The following MED13L variants were observed in gnomAD, a reference collection of about 807,000 sequenced individuals.
MED13L encodes mediator complex subunit 13L, also known as mediator of RNA polymerase II transcription subunit 13-like.
MED13L carries 7 observed loss-of-function variants against 220.9 expected under a neutral mutation model. The ratio of observed to expected loss-of-function variants is 0.03; its 90% CI spans 0.02 to 0.06. MED13L has a LOEUF of 0.06. Ranked by LOEUF, MED13L falls within the 10% of genes least tolerant of loss-of-function variation. MED13L has a pLI of 1.00. For synonymous variants in MED13L, 1,011 were observed against 1,015.2 expected, an observed-to-expected ratio of 1.00 and a Z score of 0.08; for missense variants, 1,965 against 2,760.5, an observed-to-expected ratio of 0.71 and a Z score of 6.46.
intron 1 of MED13L, chr12:116,276,349 T>TGTGTGTGTGC (rs1171651334): frequency 4.5e-5 from 29 of 646,188 alleles, no homozygotes; most frequent in Admixed American, 1.0e-4. Flanking sequence ...TGTGTGTGTG[T>TGTGTGTGTGC]GTGCGGATTC....
intron 29 of MED13L, among the ~76,000 whole-genome samples, chr12:115,964,959 G>A (rs1876038097): frequency 6.6e-6 from 1 of 152,146 alleles, no homozygotes; most frequent in Non-Finnish European, 1.5e-5. Context: ...CTTTTTTAGA[G>A]AGGAAAAATA....
At chr12:115,985,980 T>C (rs1877662430) in intron 19 of MED13L, among the ~76,000 whole-genome samples, 1 of 152,200 alleles carries the variant, frequency 6.6e-6, no homozygotes, top group Admixed American at 6.5e-5. Flanking sequence ...TGAGCAATAT[T>C]CTTCAACTTT....
intron 3 of MED13L, among the ~76,000 whole-genome samples, chr12:116,100,719 A>G (rs1330966259): frequency 2.6e-5 from 4 of 152,090 alleles, no homozygotes; most frequent in Non-Finnish European, 5.9e-5. Flanking sequence ...GACACCAGAC[A>G]ACATAGTGGA....
At position 115,966,085 on chromosome 12, in the gene MED13L, T is replaced by C; in HGVS notation, c.6384A>G (p.Leu2128=). ...TCTAATATGACACCAAACCAACCTT[T>C]AAGAAGAGAGGGCACTGGTTTTGAG... ...PQAQNQCPLF[L]KASLHHHISV... is the part of the protein sequence containing the mutation. Residue 2128 remains leucine, a synonymous_variant, in exon 29 of 31, where the codon TTA becomes TTG. Coordinates refer to ENST00000281928, the MANE Select transcript of MED13L (RefSeq NM_015335.5). 6.2e-7 allele frequency: 1 copy of C among 1,614,082 alleles called. No homozygotes were observed. The highest frequency in any genetic ancestry group is 2.2e-5 in the East Asian group (1 of 44,886).
At chr12:116,052,078 TACACACACACACACAC>T (rs79990251) in intron 4 of MED13L, among the ~76,000 whole-genome samples, 1 of 149,502 alleles carries the variant, frequency 6.7e-6, no homozygotes, top group South Asian at 2.1e-4. Context: ...CCTACACACA[TACACACACACACACAC>T]ACACACACAT....
chr12:116,256,679 C>CA (rs1872078741), intron 1 of MED13L, among the ~76,000 whole-genome samples: 1 of 129,028 alleles, frequency 7.8e-6, no homozygotes, highest in Non-Finnish European at 1.6e-5. Context: ...AGAAAACAAA[C>CA]TACTTTTTTT....
chr12:116,072,503 G>GA (rs1183800932), intron 4 of MED13L, among the ~76,000 whole-genome samples: 1 of 152,190 alleles, frequency 6.6e-6, no homozygotes, highest in Non-Finnish European at 1.5e-5. Flanking sequence ...CCAGGCTAGA[G>GA]TGCAGTGGCG....
chr12:116,256,633 G>A (rs1872074716), intron 1 of MED13L, among the ~76,000 whole-genome samples: 2 of 147,970 alleles, frequency 1.4e-5, no homozygotes, highest in South Asian at 2.1e-4. Context: ...AGAAATGTAT[G>A]TATTAATGGA....
chr12:116,164,554 T>C (rs916401004), intron 2 of MED13L, among the ~76,000 whole-genome samples: 2 of 152,202 alleles, frequency 1.3e-5, no homozygotes, highest in African/African-American at 4.8e-5. Flanking sequence ...CAGATGGCTA[T>C]TCAGTTAAAG....
At position 116,277,641 on chromosome 12, in the gene MED13L, C is replaced by G. The variant is rs1276874100; in HGVS notation, c.-510G>C. Among the ~76,000 whole-genome samples, 1 of 149,782 alleles carries G rather than the reference C, an allele frequency of 6.7e-6. No individual in the cohort carries two copies. The highest frequency in any genetic ancestry group is 1.5e-5 in the Non-Finnish European group (1 of 67,072). ...TTCCTCCCCCACCCCCCCCTCCTCCCCAGTCAGCCTCGCTTCTCCTCCCTC... is the reference window on the plus strand; with the variant it reads ...TTCCTCCCCCACCCCCCCCTCCTCCGCAGTCAGCCTCGCTTCTCCTCCCTC... On this transcript the variant is annotated 5_prime_UTR_variant, in exon 1 of 31. Coordinates refer to ENST00000281928, the MANE Select transcript of MED13L (RefSeq NM_015335.5).
At chr12:116,266,567 A>G (rs547940814) in intron 1 of MED13L, among the ~76,000 whole-genome samples, 1 of 152,340 alleles carries the variant, frequency 6.6e-6, no homozygotes, top group African/African-American at 2.4e-5. Flanking sequence ...CTGACACCCT[A>G]CATGAGAACA....
intron 2 of MED13L, among the ~76,000 whole-genome samples, chr12:116,172,609 G>A (rs959068438): frequency 3.1e-4 from 47 of 152,168 alleles, no homozygotes; most frequent in Non-Finnish European, 4.9e-4. Flanking sequence ...ACAGCATAGT[G>A]AAAAGTGTTG....
intron 1 of MED13L, among the ~76,000 whole-genome samples, chr12:116,272,725 T>C (rs1873484678): frequency 6.6e-6 from 1 of 152,172 alleles, no homozygotes; most frequent in Non-Finnish European, 1.5e-5. Flanking sequence ...AGCAAAATAT[T>C]TGTAGCATAC....
At chr12:116,199,692 ACTTT>A (rs1881875084) in intron 2 of MED13L, among the ~76,000 whole-genome samples, 1 of 151,832 alleles carries the variant, frequency 6.6e-6, no homozygotes, top group Non-Finnish European at 1.5e-5. Flanking sequence ...TTTAAATGCT[ACTTT>A]TTTTTTTTAA....
intron 2 of MED13L, among the ~76,000 whole-genome samples, chr12:116,154,867 C>T (rs1014848957): frequency 1.3e-4 from 19 of 151,960 alleles, no homozygotes; most frequent in Non-Finnish European, 2.4e-4. Context: ...ACTCTGTCAC[C>T]CAGGCTGGAA....
intron 2 of MED13L, among the ~76,000 whole-genome samples, chr12:116,156,223 CT>C (rs1238747182): frequency 6.6e-6 from 1 of 151,682 alleles, no homozygotes; most frequent in Non-Finnish European, 1.5e-5. Context: ...GTATAAATAT[CT>C]TTCCAACCAT....
At chr12:116,231,696 C>T (rs1232743624) in intron 2 of MED13L, among the ~76,000 whole-genome samples, 2 of 152,020 alleles carry the variant, frequency 1.3e-5, no homozygotes, top group African/African-American at 2.4e-5. Context: ...GCCAAAAGTG[C>T]TCTGGTTACG....
At chr12:116,009,245 T>TA (rs1879244579) in intron 9 of MED13L, 113 bp from the exon 10 acceptor site, 2 of 999,104 alleles carry the variant, frequency 2.0e-6, no homozygotes, top group East Asian at 5.2e-5. Context: ...AAAAGGGCTC[T>TA]AAGTTTTTAA....
chr12:116,098,012 A>G (rs1294325482), intron 3 of MED13L, among the ~76,000 whole-genome samples: 1 of 152,222 alleles, frequency 6.6e-6, no homozygotes. Context: ...TGGGAAGCCG[A>G]GGCGGGCAGA....
Sources: allele counts gnomAD v4.1 joint callset (sites outside exome capture counted in the v4.1 genomes callset), GRCh38; gene constraint gnomAD v4.1.1; transcripts MANE v1.5; gene names NCBI Gene and HGNC (gene_info 2026-07-23, HGNC 2026-07-21).